TRHDE: variants seen among roughly 807,000 people sequenced by gnomAD.
TRHDE encodes thyrotropin-releasing hormone-degrading ectoenzyme.
Under a neutral mutation model 125.7 loss-of-function variants are expected in TRHDE, and 72 were observed. The observed-to-expected ratio is 0.57, with a 90% CI of 0.47 to 0.70. The LOEUF is 0.70. TRHDE is among the 30% of genes least tolerant of loss of function. The pLI is 0.00. For synonymous variants in TRHDE, 509 were observed against 509.1 expected (o/e 1.00, Z 0.00); for missense variants, 1,110 against 1,327.1 (o/e 0.84, Z 2.54).
chr12:72,334,015 C>A (rs1217853559), intron 2 of TRHDE, among the ~76,000 whole-genome samples: 4 of 151,654 alleles, frequency 2.6e-5, no homozygotes, highest in African/African-American at 9.8e-5. Context: ...TATTGAGAGT[C>A]TTCTGAATGG....
intron 3 of TRHDE, among the ~76,000 whole-genome samples, chr12:72,451,238 T>C (rs1270359947): frequency 6.6e-6 from 1 of 152,196 alleles, no homozygotes; most frequent in Non-Finnish European, 1.5e-5. Flanking sequence ...TGTTTTCTTC[T>C]AGTGGTTTTA....
intron 12 of TRHDE, among the ~76,000 whole-genome samples, chr12:72,575,932 G>A (rs949043068): frequency 4.6e-5 from 7 of 152,038 alleles, no homozygotes; most frequent in Admixed American, 3.9e-4. Flanking sequence ...GTTTTTGAAT[G>A]TTATTCATTC....
At chr12:72,574,510 C>A (rs11179256) in intron 10 of TRHDE, among the ~76,000 whole-genome samples, 40,456 of 151,894 alleles carry the variant, frequency 0.27, 8,122 homozygotes, top group African/African-American at 0.54. Flanking sequence ...ATAAAGGCTA[C>A]ATGTGCAGTG....
chr12:72,663,544 C>T lies in TRHDE; in HGVS notation c.*349C>T, dbSNP rs1875000252. On this transcript the variant is annotated 3_prime_UTR_variant, in exon 19 of 19. Transcript: ENST00000261180. ...GAAAAACATATTCAGAATATCTGTG[C>T]ATGGATATATTGTCCTGCCTGTGTT... is the stretch of plus-strand genomic sequence containing the variant. 1 of 165,660 alleles carries T rather than the reference C, an allele frequency of 6.0e-6. No individual in the cohort carries two copies. Among genetic ancestry groups the T allele is most frequent in the African/African-American group, 2.4e-5 (1 of 41,792 alleles). The allele number at this position is 165,660 out of a possible 1,614,324, so 10.3% of individuals were successfully genotyped here.
intron 3 of TRHDE, 124 bp downstream of exon 3, chr12:72,378,245 G>T (rs1243216661): frequency 1.0e-5 from 10 of 1,004,204 alleles, no homozygotes; most frequent in Non-Finnish European, 1.4e-5. Flanking sequence ...GAGAAGATAA[G>T]CACAAAAAAA....
intron 2 of TRHDE, among the ~76,000 whole-genome samples, chr12:72,304,831 C>T (rs1189598455): frequency 6.6e-6 from 1 of 152,094 alleles, no homozygotes; most frequent in Non-Finnish European, 1.5e-5. Flanking sequence ...TTCATTTCTC[C>T]AGGCTATGAT....
At chr12:72,115,800 A>G (rs1360082465) in intron 2 of TRHDE, among the ~76,000 whole-genome samples, 3 of 152,112 alleles carry the variant, frequency 2.0e-5, no homozygotes, top group Non-Finnish European at 4.4e-5. Flanking sequence ...ATAATCAATG[A>G]TGTTGAACAC....
At chr12:72,144,783 AC>A (rs1876191987) in intron 2 of TRHDE, among the ~76,000 whole-genome samples, 1 of 152,186 alleles carries the variant, frequency 6.6e-6, no homozygotes, top group Admixed American at 6.5e-5. Context: ...TCTCAGAATA[AC>A]AATGCTATTC....
At chr12:72,514,931 T>A (rs1182765456) in intron 6 of TRHDE, among the ~76,000 whole-genome samples, 4 of 149,840 alleles carry the variant, frequency 2.7e-5, no homozygotes, top group Non-Finnish European at 5.9e-5. Context: ...AATGATGATT[T>A]CCAATTTCAT....
At chr12:72,280,555 A>G (rs1036388322) in intron 1 of TRHDE, among the ~76,000 whole-genome samples, 1 of 152,198 alleles carries the variant, frequency 6.6e-6, no homozygotes, top group Non-Finnish European at 1.5e-5. Flanking sequence ...CCTGGTCACC[A>G]GAAAAAAAAG....
At chr12:72,461,710 G>T (rs1251722657) in intron 3 of TRHDE, among the ~76,000 whole-genome samples, 5 of 151,464 alleles carry the variant, frequency 3.3e-5, no homozygotes, top group Non-Finnish European at 4.4e-5. Context: ...TCAATCTTAA[G>T]TAGGATCTAT....
intron 3 of TRHDE, 98 bp downstream of exon 3, chr12:72,378,219 G>A (rs1871985079): frequency 3.4e-6 from 4 of 1,180,900 alleles, no homozygotes; most frequent in Non-Finnish European, 4.5e-6. Context: ...TGAAAATTCT[G>A]AGATTTATAT....
chr12:72,273,378 C>T lies in TRHDE; in HGVS notation c.735C>T (p.Phe245=), dbSNP rs1488038425. The stretch of plus-strand genomic sequence containing the variant: ...TGCAGCTGGCCGAGGACCGGGCGTT[C>T]GGGGCTGTCCCTGTAGCCGGTTTTT... ...EKVQLAEDRA[F]GAVPVAGFFL... Residue 245 remains phenylalanine, a synonymous_variant, in exon 1 of 19, where the codon TTC becomes TTT. Transcript: ENST00000261180. The surrounding 1 kb of genome is among the most constrained non-coding windows in gnomAD (Gnocchi z 5.3). The T allele has an allele frequency of 7.4e-6, 12 of 1,614,018 alleles. No individual in the cohort carries two copies. Among genetic ancestry groups the T allele is most frequent in the Non-Finnish European group, 1.0e-5 (12 of 1,180,028 alleles).
chr12:72,094,203 A>C (rs1874856289), intron 1 of TRHDE, among the ~76,000 whole-genome samples: 2 of 152,126 alleles, frequency 1.3e-5, no homozygotes, highest in African/African-American at 4.8e-5. Flanking sequence ...GAAAGTCCAC[A>C]GATGACACCA....
In TRHDE at chr12:72,473,765, G is replaced by T. The variant is rs980116236; in HGVS notation, c.1584+585G>T. Among the ~76,000 whole-genome samples, 26 of 152,090 alleles carry T rather than the reference G, an allele frequency of 1.7e-4. No homozygotes were observed. In the East Asian group the frequency reaches 5.0e-3, roughly 29 times the overall value. ...CATCCTAGAAGAAAAAGTAGAGGGA[G>T]GGTGTAGTTTTGCTATATGTCTTTT... On this transcript the variant is annotated intron_variant, in intron 5 of 18. Transcript: ENST00000261180.
At chr12:72,395,642 A>G (rs1008246227) in intron 3 of TRHDE, among the ~76,000 whole-genome samples, 1 of 151,788 alleles carries the variant, frequency 6.6e-6, no homozygotes, top group Admixed American at 6.6e-5. Flanking sequence ...TTTCATCTTC[A>G]ACTCTTTTGT....
intron 2 of TRHDE, among the ~76,000 whole-genome samples, chr12:72,321,721 G>A (rs1423308457): frequency 1.3e-5 from 2 of 151,986 alleles, no homozygotes; most frequent in East Asian, 3.8e-4. Flanking sequence ...GCATTATAGA[G>A]GTATACATTA....
intron 6 of TRHDE, among the ~76,000 whole-genome samples, chr12:72,532,430 G>T (rs367681344): frequency 6.6e-6 from 1 of 150,502 alleles, no homozygotes. Flanking sequence ...AATTTCATTC[G>T]TTCATTTTAT....
chr12:72,156,522 C>T (rs528442716), intron 2 of TRHDE, among the ~76,000 whole-genome samples: 14 of 152,138 alleles, frequency 9.2e-5, no homozygotes, highest in South Asian at 2.1e-4. Flanking sequence ...TGTTCCTATG[C>T]GGCCATCTTG....
Sources: allele counts gnomAD v4.1 joint callset (sites outside exome capture counted in the v4.1 genomes callset), GRCh38; gene constraint gnomAD v4.1.1; non-coding constraint Gnocchi (gnomAD v3.1); transcripts MANE v1.5; gene names NCBI Gene and HGNC (gene_info 2026-07-23, HGNC 2026-07-21).